KIF26B: variants seen among roughly 807,000 people sequenced by gnomAD.
KIF26B encodes the protein kinesin-like protein KIF26B.
KIF26B carries 63 observed loss-of-function variants against 151.2 expected under a neutral mutation model. That is an observed-to-expected ratio of 0.42 (90% CI 0.34 to 0.51). KIF26B has a LOEUF of 0.51. KIF26B is among the 20% of genes least tolerant of loss of function. The probability of loss-of-function intolerance (pLI) is 0.07; values close to 1 mark genes in which losing one functional copy is unlikely to be tolerated. For missense variants in KIF26B, 2,813 were observed against 2,913.6 expected, an observed-to-expected ratio of 0.97 and a Z score of 0.79; for synonymous variants, 1,357 against 1,262.1, an observed-to-expected ratio of 1.08 and a Z score of -1.59.
At chr1:245,685,251 A>G (rs2044494286) in intron 11 of KIF26B, among the ~76,000 whole-genome samples, 154 bp from the exon 12 acceptor site, 1 of 152,220 alleles carries the variant, frequency 6.6e-6, no homozygotes, top group South Asian at 2.1e-4. Flanking sequence ...GCGCGCGGGC[A>G]TGGCACCCCG....
At chr1:245,324,581 CT>C (rs1196276168) in intron 2 of KIF26B, among the ~76,000 whole-genome samples, 1 of 152,132 alleles carries the variant, frequency 6.6e-6, no homozygotes. Context: ...TCTTTTTCCT[CT>C]TTTATTGTTT....
At chr1:245,334,854 C>T (rs186693064) in intron 2 of KIF26B, among the ~76,000 whole-genome samples, 57 of 152,158 alleles carry the variant, frequency 3.7e-4, no homozygotes, top group African/African-American at 1.1e-3. Context: ...GTATGACTGC[C>T]GTTCCATTTT....
chr1:245,672,195 G>A (rs913711895), intron 10 of KIF26B, among the ~76,000 whole-genome samples: 2 of 152,084 alleles, frequency 1.3e-5, no homozygotes, highest in African/African-American at 2.4e-5. Flanking sequence ...TGGTGGCATC[G>A]GCGCTTCACC....
intron 2 of KIF26B, among the ~76,000 whole-genome samples, chr1:245,331,634 C>G (rs1672117327): frequency 6.6e-6 from 1 of 152,016 alleles, no homozygotes; most frequent in Non-Finnish European, 1.5e-5. Flanking sequence ...CCATGGAGCT[C>G]TAGTTGGCTG....
At chr1:245,554,451 G>C (rs138688722) in intron 5 of KIF26B, among the ~76,000 whole-genome samples, 1 of 152,168 alleles carries the variant, frequency 6.6e-6, no homozygotes, top group Admixed American at 6.5e-5. Flanking sequence ...CAGGTATTAC[G>C]TATCTTCTAT....
intron 9 of KIF26B, among the ~76,000 whole-genome samples, chr1:245,622,148 G>A (rs1339232034): frequency 1.3e-5 from 2 of 152,184 alleles, no homozygotes; most frequent in African/African-American, 2.4e-5. Context: ...TCCATAGCAC[G>A]CTGCTGTGAC....
chr1:245,284,605 C>T (rs1034020316), intron 2 of KIF26B, among the ~76,000 whole-genome samples: 4 of 152,108 alleles, frequency 2.6e-5, no homozygotes, highest in African/African-American at 9.7e-5. Context: ...TTGGGGAATC[C>T]TAGTTTTTGT....
chr1:245,411,365 A>G (rs750492211), intron 3 of KIF26B, among the ~76,000 whole-genome samples: 3 of 152,232 alleles, frequency 2.0e-5, no homozygotes, highest in Non-Finnish European at 2.9e-5. Flanking sequence ...GGAATAGCTT[A>G]GTGAGGTCTG....
At position 245,327,068 on chromosome 1, in the gene KIF26B, G is replaced by A. The variant is rs527315511; in HGVS notation, c.466-39766G>A. On this transcript the variant is annotated intron_variant, in intron 2 of 14. Coordinates refer to ENST00000407071, the MANE Select transcript of KIF26B (RefSeq NM_018012.4). ...AATGTTGGAACCAAGTTTTGTAAAC[G>A]GACCTAAGCCTTTTACAATCTGGGG... is the stretch of plus-strand genomic sequence containing the variant. 9.2e-5 allele frequency among the ~76,000 whole-genome samples: 14 copies of A among 152,204 alleles called. No homozygotes were observed. The South Asian group carries it at 2.7e-3, about 29-fold the overall frequency.
At chr1:245,573,368 A>G (rs1156782632) in intron 5 of KIF26B, among the ~76,000 whole-genome samples, 1 of 152,026 alleles carries the variant, frequency 6.6e-6, no homozygotes, top group Non-Finnish European at 1.5e-5. Flanking sequence ...CTAAAAATAC[A>G]AAAAATTAGC....
chr1:245,278,696 C>T lies in KIF26B; in HGVS notation c.466-88138C>T, dbSNP rs192521735. Reference sequence around the variant, plus strand: ...ACACGTTTACACTCTGCTTTTGATGCATCTCTTGTATTCTGCTTTTCCTCT... The same window carrying T: ...ACACGTTTACACTCTGCTTTTGATGTATCTCTTGTATTCTGCTTTTCCTCT... On this transcript the variant is annotated intron_variant, in intron 2 of 14. Coordinates refer to ENST00000407071, the MANE Select transcript of KIF26B (RefSeq NM_018012.4). Among the ~76,000 whole-genome samples the T allele has an allele frequency of 7.9e-5, 12 of 152,306 alleles. No homozygotes were observed. In the East Asian group the frequency reaches 2.3e-3, roughly 30 times the overall value.
intron 3 of KIF26B, among the ~76,000 whole-genome samples, chr1:245,374,352 G>A (rs1673222197): frequency 6.6e-6 from 1 of 151,452 alleles, no homozygotes; most frequent in Admixed American, 6.6e-5. Flanking sequence ...TGCCGATTGT[G>A]GCTTCGTGGA....
At position 245,685,409 on chromosome 1, in the gene KIF26B, C is replaced by T. The variant is rs1212997002; in HGVS notation, c.2426C>T (p.Thr809Ile). The T allele has an allele frequency of 1.2e-6, 2 of 1,609,290 alleles. No individual in the cohort carries two copies. The highest frequency in any genetic ancestry group is 1.3e-5 in the African/African-American group (1 of 74,904). ...LRMKKKKTKY[T>I]SSSSGGESSC... ...TAACTGCCGTCTCACTCACAGTACACATCCAGCTCGTCCGGCGGGGAGAGC... is the reference window on the plus strand; with the variant it reads ...TAACTGCCGTCTCACTCACAGTACATATCCAGCTCGTCCGGCGGGGAGAGC... The change falls in exon 12 of 15, where the codon ACA (threonine) becomes ATA (isoleucine). Residue 809 changes from threonine to isoleucine, a missense_variant. Physicochemically the swap from Thr to Ile is moderately conservative, Grantham distance 89. This residue lies in a region of KIF26B where 2,060 missense variants were observed against 2,088.6 expected (regional missense o/e 0.99). Coordinates refer to ENST00000407071, the MANE Select transcript of KIF26B (RefSeq NM_018012.4).
chr1:245,529,014 A>G (rs1278572022), intron 4 of KIF26B, among the ~76,000 whole-genome samples: 5 of 152,192 alleles, frequency 3.3e-5, no homozygotes, highest in African/African-American at 4.8e-5. Flanking sequence ...AGTTCTGGAC[A>G]AAATTAGATT....
chr1:245,447,953 A>G (rs1051402508), intron 4 of KIF26B, among the ~76,000 whole-genome samples: 3 of 152,170 alleles, frequency 2.0e-5, no homozygotes, highest in Non-Finnish European at 4.4e-5. Flanking sequence ...CCGCCTCTTT[A>G]ATAAAGCTGT....
intron 4 of KIF26B, among the ~76,000 whole-genome samples, chr1:245,522,926 T>G (rs1265778529): frequency 6.6e-6 from 1 of 152,192 alleles, no homozygotes; most frequent in African/African-American, 2.4e-5. Context: ...ACACTTAGGA[T>G]ATAGTTTTCA....
intron 2 of KIF26B, among the ~76,000 whole-genome samples, chr1:245,335,782 T>G (rs1572010532): frequency 2.0e-5 from 2 of 99,072 alleles, no homozygotes; most frequent in Non-Finnish European, 4.0e-5. Flanking sequence ...GAAAGGAGAG[T>G]CCCACGCAGG....
At chr1:245,419,313 T>G (rs746797513) in intron 3 of KIF26B, among the ~76,000 whole-genome samples, 10 of 152,132 alleles carry the variant, frequency 6.6e-5, no homozygotes, top group Non-Finnish European at 1.2e-4. Flanking sequence ...CCCCTCCAAA[T>G]GGAGGGAAGA....
chr1:245,296,601 C>T (rs761641966), intron 2 of KIF26B, among the ~76,000 whole-genome samples: 1 of 152,222 alleles, frequency 6.6e-6, no homozygotes, highest in African/African-American at 2.4e-5. Flanking sequence ...CCTGCTTTCC[C>T]ATCGCCATGG....
Sources: gnomAD v4.1 joint callset for allele counts (sites outside exome capture counted in the v4.1 genomes callset) on GRCh38, gnomAD v4.1.1 for gene constraint, gnomAD v4.1.1 regional missense constraint, MANE v1.5 for transcripts, NCBI Gene and HGNC (gene_info 2026-07-23, HGNC 2026-07-21) for gene names.